The following MYO5A variants were observed in gnomAD, a reference collection of about 807,000 sequenced individuals.
MYO5A encodes myosin VA.
A neutral mutation model predicts 249.7 loss-of-function variants in MYO5A; 98 were observed. That is an observed-to-expected ratio of 0.39 (90% CI 0.33 to 0.46). The LOEUF (loss-of-function observed/expected upper bound fraction) is 0.46, where lower values mean the gene tolerates loss of function less well. MYO5A is among the 20% of genes least tolerant of loss of function. The pLI is 0.98. For synonymous variants in MYO5A, 778 were observed against 810.6 expected, an observed-to-expected ratio of 0.96 and a Z score of 0.68; for missense variants, 1,696 against 2,308.8, an observed-to-expected ratio of 0.73 and a Z score of 5.44.
At chr15:52,318,776 T>C (rs562332726) in intron 39 of MYO5A, among the ~76,000 whole-genome samples, 2 of 152,362 alleles carry the variant, frequency 1.3e-5, no homozygotes, top group African/African-American at 2.4e-5. Context: ...TTTTGCATCA[T>C]CTCTTCACTC....
intron 25 of MYO5A, 104 bp from the exon 26 acceptor site, chr15:52,354,118 A>G (rs922559803): frequency 2.3e-6 from 3 of 1,325,714 alleles, no homozygotes; most frequent in Middle Eastern, 3.7e-4. Context: ...AACTTACAGA[A>G]TAAGAAATAC....
At chr15:52,497,120 C>T (rs2077053697) in intron 1 of MYO5A, among the ~76,000 whole-genome samples, 2 of 152,146 alleles carry the variant, frequency 1.3e-5, no homozygotes, top group South Asian at 2.1e-4. Context: ...CACCACCATG[C>T]CCGGCTAATT....
chr15:52,358,515 G>T (rs1353984646), intron 25 of MYO5A, among the ~76,000 whole-genome samples: 1 of 152,130 alleles, frequency 6.6e-6, no homozygotes, highest in African/African-American at 2.4e-5. Context: ...CCTTGAATCT[G>T]GGCTGACCTT....
intron 1 of MYO5A, among the ~76,000 whole-genome samples, chr15:52,488,109 G>A (rs374979193): frequency 1.3e-5 from 2 of 150,708 alleles, no homozygotes; most frequent in African/African-American, 4.9e-5. Flanking sequence ...AATTATCTAG[G>A]GTGAAAAAAA....
At chr15:52,513,650 C>T (rs1423949427) in intron 1 of MYO5A, among the ~76,000 whole-genome samples, 1 of 151,566 alleles carries the variant, frequency 6.6e-6, no homozygotes, top group African/African-American at 2.4e-5. Flanking sequence ...AGGCTGGTCT[C>T]GAACTCCTGA....
chr15:52,363,981 G>GT (rs2040675054), intron 24 of MYO5A, among the ~76,000 whole-genome samples: 1 of 152,208 alleles, frequency 6.6e-6, no homozygotes, highest in Non-Finnish European at 1.5e-5. Flanking sequence ...GCTCATGCCT[G>GT]TAATCCCAGC....
At chr15:52,403,404 G>A (rs1221111959) in intron 9 of MYO5A, among the ~76,000 whole-genome samples, 1 of 152,162 alleles carries the variant, frequency 6.6e-6, no homozygotes, top group East Asian at 1.9e-4. Context: ...ATAAAGTATT[G>A]ACACGTGCTA....
At chr15:52,338,455 G>A (rs2039226795) in intron 32 of MYO5A, among the ~76,000 whole-genome samples, 1 of 152,062 alleles carries the variant, frequency 6.6e-6, no homozygotes, top group Non-Finnish European at 1.5e-5. Context: ...GGTGGGCAAG[G>A]TAGAGTTTCA....
chr15:52,500,060 AAAAAT>A (rs1301535240), intron 1 of MYO5A, among the ~76,000 whole-genome samples: 12 of 152,190 alleles, frequency 7.9e-5, no homozygotes, highest in African/African-American at 2.9e-4. Context: ...CTTAAAAATA[AAAAAT>A]AAAATAAATA....
At chr15:52,354,241 A>G (rs923873694) in intron 25 of MYO5A, among the ~76,000 whole-genome samples, 4 of 152,250 alleles carry the variant, frequency 2.6e-5, no homozygotes, top group African/African-American at 9.6e-5. Context: ...CAAAGACTAA[A>G]AAGATTCATA....
In MYO5A at chr15:52,312,052, T is replaced by C. The variant is rs953228573; in HGVS notation, c.*1644A>G. ...TGTGCAACCTGAAGGATTTATTGTA[T>C]AAGATTCCTAAGAAAAATGGTGAAT... On this transcript the variant is annotated 3_prime_UTR_variant, in exon 42 of 42. Transcript: ENST00000399233. 1.3e-5 allele frequency: 2 copies of C among 152,468 alleles called. No individual in the cohort carries two copies. Among genetic ancestry groups the C allele is most frequent in the South Asian group, 2.1e-4 (1 of 4,830 alleles). 9.4% of individuals were successfully genotyped at this position (152,468 alleles called of 1,614,324 possible).
intron 4 of MYO5A, among the ~76,000 whole-genome samples, chr15:52,417,398 T>G (rs1480045825): frequency 6.6e-6 from 1 of 152,178 alleles, no homozygotes; most frequent in Non-Finnish European, 1.5e-5. Context: ...CAGCTAACAA[T>G]CCTCAAAATG....
chr15:52,413,055 GA>G lies in MYO5A; in HGVS notation c.613-2580del, dbSNP rs537559995. Among the ~76,000 whole-genome samples, 126 of 151,196 alleles carry G rather than the reference GA, an allele frequency of 8.3e-4. No individual in the cohort carries two copies. In the Middle Eastern group the frequency reaches 0.021, roughly 25 times the overall value. ...CCAGCTACTCGGGAGGCTGAGGCAG[GA>G]GAATCGTTTGAATCCAGGAGGTGGA... On this transcript the variant is annotated intron_variant, in intron 5 of 41. Transcript: ENST00000399233.
chr15:52,485,064 A>C (rs760483710), intron 1 of MYO5A, among the ~76,000 whole-genome samples: 13 of 152,122 alleles, frequency 8.5e-5, no homozygotes, highest in Non-Finnish European at 1.6e-4. Flanking sequence ...CTTTTGAATA[A>C]TTACAAAAAA....
chr15:52,360,019 A>G lies in MYO5A; in HGVS notation c.3372T>C (p.Tyr1124=). 6 of 1,613,810 alleles carry G rather than the reference A, an allele frequency of 3.7e-6. No individual in the cohort carries two copies. Among genetic ancestry groups the G allele is most frequent in the Non-Finnish European group, 4.2e-6 (5 of 1,179,822 alleles). ...TTTCTGCAATTTCAGAGCTAAAGAT[A>G]TATTCAGACTCGTTGCTGCTGTGGG... ...DSTHSSNESE[Y]IFSSEIAEME... is the part of the protein sequence containing the mutation. The change falls in exon 25 of 42, where the codon TAT becomes TAC. Residue 1124 remains tyrosine (Y), a synonymous_variant. Transcript: ENST00000399233.
At chr15:52,315,198 G>C (rs928914037) in intron 40 of MYO5A, among the ~76,000 whole-genome samples, 2 of 152,200 alleles carry the variant, frequency 1.3e-5, no homozygotes, top group African/African-American at 4.8e-5. Flanking sequence ...ATATTCTTTA[G>C]AAGTTGAATG....
chr15:52,400,414 A>C (rs2042699341), intron 9 of MYO5A, among the ~76,000 whole-genome samples: 1 of 152,210 alleles, frequency 6.6e-6, no homozygotes. Flanking sequence ...AGAATAGTAC[A>C]AAAAATTCCC....
chr15:52,459,415 T>C (rs1411054611), intron 1 of MYO5A, among the ~76,000 whole-genome samples: 2 of 151,970 alleles, frequency 1.3e-5, no homozygotes, highest in African/African-American at 2.4e-5. Flanking sequence ...ACAAAGCACA[T>C]CTTGCACCGC....
At position 52,340,313 on chromosome 15, in the gene MYO5A, C is replaced by T; in HGVS notation, c.4122G>A (p.Leu1374=). The T allele has an allele frequency of 6.2e-7, 1 of 1,614,056 alleles. No individual in the cohort carries two copies. Among genetic ancestry groups the T allele is most frequent in the South Asian group, 1.1e-5 (1 of 91,082 alleles). Reference sequence around the variant, plus strand: ...GCTGCTGTCGGTTGTTCTCCTCCTTCAGGCTCTGGATCTCCCCACGGAGGG... The same window carrying T: ...GCTGCTGTCGGTTGTTCTCCTCCTTTAGGCTCTGGATCTCCCCACGGAGGG... ...AEALRGEIQS[L]KEENNRQQQL... is the part of the protein sequence containing the mutation. Residue 1374 remains leucine, a synonymous_variant, in exon 32 of 42, where the codon CTG becomes CTA. Transcript: ENST00000399233.
Sources: gnomAD v4.1 joint callset for allele counts (sites outside exome capture counted in the v4.1 genomes callset) on GRCh38, gnomAD v4.1.1 for gene constraint, MANE v1.5 for transcripts, NCBI Gene and HGNC (gene_info 2026-07-23, HGNC 2026-07-21) for gene names.